Variants in TMEM260 observed in about 807,000 individuals in gnomAD.
TMEM260 encodes transmembrane protein 260, also known as protein O-mannosyl-transferase TMEM260.
TMEM260 carries 82 observed loss-of-function variants against 88.9 expected under a neutral mutation model. The observed-to-expected ratio is 0.92, with a 90% CI of 0.77 to 1.11. The LOEUF (loss-of-function observed/expected upper bound fraction) is 1.11, where lower values mean the gene tolerates loss of function less well. Among genes scored for constraint, TMEM260 ranks in the 50% least tolerant of loss-of-function variants. The pLI is 0.00. For synonymous variants in TMEM260, 314 were observed against 309.3 expected (o/e 1.02, Z -0.16); for missense variants, 902 against 853.4 (o/e 1.06, Z -0.71).
In TMEM260 at chr14:56,596,425, T is replaced by TATATATACAC. The variant is rs1490067903; in HGVS notation, c.345-7389_345-7388insTATATACACA. Among the ~76,000 whole-genome samples the TATATATACAC allele has an allele frequency of 2.2e-5, 3 of 135,640 alleles. No individual in the cohort carries two copies. The East Asian group carries it at 6.4e-4, about 29-fold the overall frequency. 89.0% of individuals were successfully genotyped at this position (135,640 alleles called of 152,430 possible). The stretch of plus-strand genomic sequence containing the variant: ...GTGTGTGTATATATATATATATATA[T>TATATATACAC]ACATACACACACATATACATATATA... On this transcript the variant is annotated intron_variant, in intron 3 of 15. Transcript: ENST00000261556.
At chr14:56,656,980 C>A in the TMEM260 span, among the ~76,000 whole-genome samples, 3 of 152,150 alleles carry the variant, frequency 2.0e-5, no homozygotes, top group African/African-American at 7.2e-5. Context: ...CTGGTTTCCC[C>A]AAACCATGGC....
At chr14:56,605,537 TTTAC>T in intron 4 of TMEM260, 29 bp from the exon 5 acceptor site, 1 of 1,266,484 alleles carries the variant, frequency 7.9e-7, no homozygotes, top group Non-Finnish European at 1.1e-6. Flanking sequence ...AGGTGAATTT[TTTAC>T]TTAATTTTTT....
chr14:56,636,617 T>C lies in TMEM260; in HGVS notation c.1869+19T>C, dbSNP rs1467884370. 1.2e-6 allele frequency: 2 copies of C among 1,600,986 alleles called. No homozygotes were observed. Among genetic ancestry groups the C allele is most frequent in the Non-Finnish European group, 1.7e-6 (2 of 1,168,196 alleles). ...ATATGACGTATGTTACACTTTTATA[T>C]GTAGATATAGATATATTTGGTGGGA... On this transcript the variant is annotated intron_variant, in intron 15 of 15. Coordinates refer to ENST00000261556, the MANE Select transcript of TMEM260 (RefSeq NM_017799.4).
chr14:56,583,633 A>G (rs1211845319), intron 1 of TMEM260, among the ~76,000 whole-genome samples: 1 of 152,120 alleles, frequency 6.6e-6, no homozygotes, highest in Non-Finnish European at 1.5e-5. Context: ...AGCAGGTTCT[A>G]TGGAGGAGGA....
At chr14:56,588,485 C>G (rs949435841) in intron 3 of TMEM260, among the ~76,000 whole-genome samples, 1 of 151,972 alleles carries the variant, frequency 6.6e-6, no homozygotes, top group African/African-American at 2.4e-5. Context: ...TTTCCAATTA[C>G]TATGTAATTT....
chr14:56,636,754 G>C (rs984669945), intron 15 of TMEM260, among the ~76,000 whole-genome samples, 156 bp downstream of exon 15: 5 of 152,150 alleles, frequency 3.3e-5, no homozygotes, highest in Non-Finnish European at 7.3e-5. Flanking sequence ...CAAATCCTCA[G>C]TTGTATCACA....
At chr14:56,653,738 A>AAACAAAAAAAAAAAC (rs1368275920), downstream of TMEM260, among the ~76,000 whole-genome samples, 6 of 139,146 alleles carry the variant, frequency 4.3e-5, no homozygotes, top group African/African-American at 1.6e-4. Flanking sequence ...CTTGTCTCCA[A>AAACAAAAAAAAAAAC]AACAAAAAAA....
intron 12 of TMEM260, among the ~76,000 whole-genome samples, chr14:56,626,002 T>G (rs1888224082): frequency 6.6e-6 from 1 of 152,204 alleles, no homozygotes; most frequent in Admixed American, 6.5e-5. Context: ...AGATAAAATA[T>G]GAGAATTGTG....
chr14:56,634,767 A>G, intron 13 of TMEM260, 132 bp from the exon 14 acceptor site: 1 of 715,894 alleles, frequency 1.4e-6, no homozygotes, highest in Non-Finnish European at 2.4e-6. Context: ...ACTTGAACCC[A>G]GGAGGTGGAG....
intron 3 of TMEM260, among the ~76,000 whole-genome samples, chr14:56,602,445 A>G (rs946738280): frequency 3.9e-5 from 6 of 152,118 alleles, no homozygotes; most frequent in Non-Finnish European, 8.8e-5. Context: ...TTCTAGGCTG[A>G]CTGATTTAGA....
intron 3 of TMEM260, among the ~76,000 whole-genome samples, chr14:56,599,844 G>A (rs535963959): frequency 6.6e-6 from 1 of 152,148 alleles, no homozygotes; most frequent in Non-Finnish European, 1.5e-5. Context: ...GGTAGTTCAA[G>A]CATCTCAAGT....
Position 56,580,030 on chromosome 14 carries a change from T to A in TMEM260, c.116T>A (p.Val39Glu), listed in dbSNP as rs575803718. 1.8e-4 allele frequency: 225 copies of A among 1,250,444 alleles called. No individual in the cohort carries two copies. Among genetic ancestry groups the A allele is most frequent in the Middle Eastern group, 1.0e-3 (4 of 3,896 alleles). The allele number at this position is 1,250,444 out of a possible 1,614,324, so 77.5% of individuals were successfully genotyped here. The change falls in exon 1 of 16, where the codon GTG becomes GAG. Residue 39 changes from valine (V) to glutamate (E), a missense_variant. By Grantham distance (121) the Val-to-Glu change is moderately radical. Coordinates refer to ENST00000261556, the MANE Select transcript of TMEM260 (RefSeq NM_017799.4). ...GVAVFAAVAA[V>E]FTFTLPPSVP... is the part of the protein sequence containing the mutation. ...GCGGTGTTCGCCGCCGTGGCCGCAG[T>A]GTTCACCTTCACCCTGCCCCCTTCG...
At chr14:56,609,693 T>G (rs1225639572) in intron 6 of TMEM260, among the ~76,000 whole-genome samples, 1 of 152,198 alleles carries the variant, frequency 6.6e-6, no homozygotes, top group Non-Finnish European at 1.5e-5. Context: ...TATTTATTTA[T>G]TTTTTACATA....
At chr14:56,604,032 A>C in intron 4 of TMEM260, 40 bp downstream of exon 4, 2 of 1,506,314 alleles carry the variant, frequency 1.3e-6, no homozygotes, top group Non-Finnish European at 1.8e-6. Context: ...TTTTTGTTTT[A>C]ATTTTTAGAC....
At chr14:56,598,240 A>G (rs946266393) in intron 3 of TMEM260, among the ~76,000 whole-genome samples, 4 of 152,006 alleles carry the variant, frequency 2.6e-5, no homozygotes, top group African/African-American at 7.2e-5. Flanking sequence ...AGACATTCAG[A>G]AAAAAAACAC....
At chr14:56,615,852 G>T (rs918000728) in intron 7 of TMEM260, 92 bp from the exon 8 acceptor site, 26 of 921,178 alleles carry the variant, frequency 2.8e-5, no homozygotes, top group Non-Finnish European at 4.6e-5. Context: ...TGATTGTTCA[G>T]TATATAATCA....
chr14:56,580,393 ATAT>A (rs1426554900), intron 1 of TMEM260, among the ~76,000 whole-genome samples: 2 of 152,236 alleles, frequency 1.3e-5, no homozygotes, highest in East Asian at 1.9e-4. Context: ...TAGTCCACAG[ATAT>A]TATTCACGGT....
intron 3 of TMEM260, among the ~76,000 whole-genome samples, chr14:56,596,698 G>T (rs910587391): frequency 1.3e-4 from 20 of 148,846 alleles, no homozygotes; most frequent in Non-Finnish European, 2.8e-4. Flanking sequence ...GAGAGGCGGA[G>T]GTTGTGGTGA....
chr14:56,645,428 G>A (rs1340969839), intron 15 of TMEM260, among the ~76,000 whole-genome samples: 1 of 151,898 alleles, frequency 6.6e-6, no homozygotes, highest in Non-Finnish European at 1.5e-5. Context: ...TCACTCATAA[G>A]TGGGAATTGA....
Sources: gnomAD v4.1 joint callset for allele counts (sites outside exome capture counted in the v4.1 genomes callset) on GRCh38, gnomAD v4.1.1 for gene constraint, MANE v1.5 for transcripts, NCBI Gene and HGNC (gene_info 2026-07-23, HGNC 2026-07-21) for gene names.